The following ROBO2 variants were observed in gnomAD, a reference collection of about 807,000 sequenced individuals.
ROBO2 encodes the protein roundabout homolog 2.
A neutral mutation model predicts 160.8 loss-of-function variants in ROBO2; 53 were observed. The observed-to-expected ratio is 0.33, with a 90% CI of 0.26 to 0.41. The LOEUF (loss-of-function observed/expected upper bound fraction) is 0.41, where lower values mean the gene tolerates loss of function less well. ROBO2 is among the 10% of genes least tolerant of loss of function. The probability of loss-of-function intolerance (pLI) is 1.00; values close to 1 mark genes in which losing one functional copy is unlikely to be tolerated. For synonymous variants in ROBO2, 664 were observed against 611.7 expected, an observed-to-expected ratio of 1.09 and a Z score of -1.26; for missense variants, 1,577 against 1,722.4, an observed-to-expected ratio of 0.92 and a Z score of 1.49.
intron 2 of ROBO2, among the ~76,000 whole-genome samples, chr3:76,660,263 G>C (rs2091760354): frequency 6.6e-6 from 1 of 152,178 alleles, no homozygotes; most frequent in Non-Finnish European, 1.5e-5. Context: ...GTTTGCAAGA[G>C]ATTAGAAATG....
intron 2 of ROBO2, among the ~76,000 whole-genome samples, chr3:76,039,647 G>A (rs748292509): frequency 2.0e-5 from 3 of 151,998 alleles, no homozygotes; most frequent in Non-Finnish European, 4.4e-5. Flanking sequence ...CAGGGTAAAA[G>A]GAAAGAACAT....
At chr3:77,085,227 G>T (rs1283422258) in intron 1 of ROBO2, among the ~76,000 whole-genome samples, 1 of 152,040 alleles carries the variant, frequency 6.6e-6, no homozygotes, top group Non-Finnish European at 1.5e-5. Flanking sequence ...TAAAACTGGA[G>T]AAAATGTTTT....
At chr3:76,757,656 T>C (rs1411821343) in intron 2 of ROBO2, among the ~76,000 whole-genome samples, 1 of 151,850 alleles carries the variant, frequency 6.6e-6, no homozygotes, top group African/African-American at 2.4e-5. Flanking sequence ...CGTTGCTTTG[T>C]TAATCAAATA....
chr3:76,428,958 C>A (rs1046212547), intron 2 of ROBO2, among the ~76,000 whole-genome samples: 1 of 152,154 alleles, frequency 6.6e-6, no homozygotes, highest in Non-Finnish European at 1.5e-5. Context: ...CCATAAATTT[C>A]TTCTCTAACT....
At chr3:76,101,564 A>G (rs1400188954) in intron 2 of ROBO2, among the ~76,000 whole-genome samples, 1 of 152,112 alleles carries the variant, frequency 6.6e-6, no homozygotes, top group African/African-American at 2.4e-5. Flanking sequence ...TTTATTTTTT[A>G]TACTTGAAGT....
Position 76,572,170 on chromosome 3 carries a change from A to G in ROBO2, c.110-525844A>G, listed in dbSNP as rs540563065. ...ATTTATTGAATCCTTTTAGCAGGGC[A>G]GTACTATCACTAACCCCATTTTAGA... On this transcript the variant is annotated intron_variant, in intron 2 of 26. Transcript: ENST00000487694. Among the ~76,000 whole-genome samples, 148 of 152,276 alleles carry G rather than the reference A, an allele frequency of 9.7e-4. No individual in the cohort carries two copies. In the South Asian group the frequency reaches 0.011, roughly 11 times the overall value.
At chr3:76,696,662 C>T (rs1465949839) in intron 2 of ROBO2, among the ~76,000 whole-genome samples, 1 of 152,178 alleles carries the variant, frequency 6.6e-6, no homozygotes, top group Admixed American at 6.5e-5. Flanking sequence ...GACAGAATAA[C>T]TTCTTGTTTG....
intron 5 of ROBO2, among the ~76,000 whole-genome samples, chr3:77,521,606 C>T (rs552812466): frequency 2.0e-5 from 3 of 151,160 alleles, no homozygotes; most frequent in Admixed American, 6.6e-5. Context: ...GAAAAGTAAC[C>T]ATGATAATTA....
rs149797603 is a variant in ROBO2 at position 76,507,518 on chromosome 3, G to C, written c.109+569916G>C. On this transcript the variant is annotated intron_variant, in intron 2 of 26. Transcript: ENST00000487694. The stretch of plus-strand genomic sequence containing the variant: ...TACTTGCAGAAATTGTAATACTGAA[G>C]TTCCCTTTACAGAGAATGCCTCTTC... Among the ~76,000 whole-genome samples the C allele has an allele frequency of 6.5e-3, 988 of 152,132 alleles. 15 individuals carry two copies. Among genetic ancestry groups the C allele is most frequent in the African/African-American group, 0.023 (939 of 41,534 alleles).
chr3:76,265,014 A>G (rs1707011204), intron 2 of ROBO2, among the ~76,000 whole-genome samples: 1 of 152,060 alleles, frequency 6.6e-6, no homozygotes, highest in African/African-American at 2.4e-5. Context: ...CACTAGGCAC[A>G]TTTGCTATCT....
intron 2 of ROBO2, among the ~76,000 whole-genome samples, chr3:77,130,078 G>C (rs558984898): frequency 1.2e-4 from 19 of 152,152 alleles, no homozygotes; most frequent in African/African-American, 4.3e-4. Context: ...TTTCCAATTT[G>C]CTTCAACTGT....
At chr3:76,172,848 T>G (rs780312754) in intron 2 of ROBO2, among the ~76,000 whole-genome samples, 2 of 152,050 alleles carry the variant, frequency 1.3e-5, no homozygotes, top group Non-Finnish European at 2.9e-5. Context: ...AAAAATATAA[T>G]AAGTTACATT....
Position 76,106,994 on chromosome 3 carries a change from A to G in ROBO2, c.109+169392A>G, listed in dbSNP as rs1186457776. Among the ~76,000 whole-genome samples the G allele has an allele frequency of 4.6e-5, 7 of 152,200 alleles. No homozygotes were observed. In the East Asian group the frequency reaches 5.8e-4, roughly 13 times the overall value. ...TGTAGGTGTAGATATATCTCTGTACATATTCATCATTGTAAGACAAAATAG... is the reference window on the plus strand; with the variant it reads ...TGTAGGTGTAGATATATCTCTGTACGTATTCATCATTGTAAGACAAAATAG... On this transcript the variant is annotated intron_variant, in intron 2 of 26. Transcript: ENST00000487694.
chr3:77,307,512 C>T (rs1299447073), intron 2 of ROBO2, among the ~76,000 whole-genome samples: 4 of 152,140 alleles, frequency 2.6e-5, no homozygotes, highest in Non-Finnish European at 5.9e-5. Flanking sequence ...TACTGACAGC[C>T]TTCCCCAGGG....
chr3:76,332,419 A>G (rs2073561980), intron 2 of ROBO2, among the ~76,000 whole-genome samples: 1 of 152,166 alleles, frequency 6.6e-6, no homozygotes, highest in South Asian at 2.1e-4. Flanking sequence ...AATTTTTGTT[A>G]TTTGACTAAT....
intron 2 of ROBO2, among the ~76,000 whole-genome samples, chr3:77,420,422 A>C (rs775960629): frequency 9.2e-5 from 14 of 152,166 alleles, no homozygotes; most frequent in Non-Finnish European, 1.9e-4. Context: ...CTTGCTGGTC[A>C]GAAAAAAGCC....
chr3:76,282,979 TTTTA>T (rs1708307758), intron 2 of ROBO2, among the ~76,000 whole-genome samples: 1 of 149,044 alleles, frequency 6.7e-6, no homozygotes, highest in African/African-American at 2.4e-5. Context: ...CTTTATTTTA[TTTTA>T]TTTTTTCTTT....
intron 2 of ROBO2, among the ~76,000 whole-genome samples, chr3:76,558,858 T>C (rs545263894): frequency 2.6e-5 from 4 of 152,326 alleles, no homozygotes; most frequent in African/African-American, 4.8e-5. Context: ...CTGCCGATAA[T>C]GTGAAGAGTC....
intron 1 of ROBO2, among the ~76,000 whole-genome samples, chr3:75,921,485 C>A (rs1470813330): frequency 2.0e-5 from 3 of 152,190 alleles, no homozygotes; most frequent in South Asian, 2.1e-4. Context: ...CTTCCAGCTT[C>A]ACACACAGTT....
Sources: gnomAD v4.1 joint callset for allele counts (sites outside exome capture counted in the v4.1 genomes callset) on GRCh38, gnomAD v4.1.1 for gene constraint, MANE v1.5 for transcripts, NCBI Gene and HGNC (gene_info 2026-07-23, HGNC 2026-07-21) for gene names.